Variants in AFF2 observed in about 807,000 individuals in gnomAD.
The protein encoded by AFF2 is AF4/FMR2 family member 2.
AFF2 carries 14 observed loss-of-function variants against 76.9 expected under a neutral mutation model. That is an observed-to-expected ratio of 0.18 (90% confidence interval 0.12 to 0.28). The LOEUF (loss-of-function observed/expected upper bound fraction) is 0.28, where lower values mean the gene tolerates loss of function less well. Among genes scored for constraint, AFF2 ranks in the 10% least tolerant of loss-of-function variants. The probability of loss-of-function intolerance (pLI) is 1.00; values close to 1 mark genes in which losing one functional copy is unlikely to be tolerated. For missense variants in AFF2, 868 were observed against 1,001.1 expected (o/e 0.87, Z 1.79); for synonymous variants, 398 against 366.7 (o/e 1.09, Z -0.98).
intron 9 of AFF2, among the ~76,000 whole-genome samples, chrX:148,943,230 G>A (rs1446038339): frequency 1.8e-5 from 2 of 112,328 alleles, no homozygotes; most frequent in Non-Finnish European, 3.8e-5. Flanking sequence ...ATACAATTAT[G>A]AAGTAAGATT....
intron 3 of AFF2, among the ~76,000 whole-genome samples, chrX:148,795,862 T>A (rs2069973704): frequency 2.0e-5 from 1 of 49,594 alleles, no homozygotes; most frequent in African/African-American, 7.5e-5. Flanking sequence ...TATATATATA[T>A]ATATATATAT....
In AFF2 at chrX:148,670,558, G is replaced by A. The variant is rs1057261985; in HGVS notation, c.1041+7790G>A. On this transcript the variant is annotated intron_variant, in intron 3 of 20. Coordinates refer to ENST00000370460, the MANE Select transcript of AFF2 (RefSeq NM_002025.4). The stretch of plus-strand genomic sequence containing the variant: ...GGGACCAAAGTGAGAGAGCTCAAAA[G>A]CCAGACTGTCACTTATCTTGAATTT... 7.2e-5 allele frequency among the ~76,000 whole-genome samples: 8 copies of A among 111,754 alleles called. No homozygotes were observed. In the South Asian group the frequency reaches 2.6e-3, roughly 37 times the overall value.
intron 1 of AFF2, among the ~76,000 whole-genome samples, chrX:148,610,853 T>A (rs184107065): frequency 8.9e-6 from 1 of 111,795 alleles, no homozygotes; most frequent in East Asian, 2.8e-4. Context: ...AAATATGTTT[T>A]AAAATATATT....
chrX:148,610,327 C>T (rs1327703694), intron 1 of AFF2, among the ~76,000 whole-genome samples: 1 of 111,543 alleles, frequency 9.0e-6, no homozygotes, highest in African/African-American at 3.3e-5. Flanking sequence ...ATGTGGGATT[C>T]CTGACTCCTA....
chrX:148,530,795 G>C (rs1557235777), intron 1 of AFF2, among the ~76,000 whole-genome samples: 2 of 111,838 alleles, frequency 1.8e-5, no homozygotes, highest in African/African-American at 6.5e-5. Flanking sequence ...ACTACAACAA[G>C]TATATCCTAT....
chrX:148,861,169 G>A (rs905814234), intron 7 of AFF2, among the ~76,000 whole-genome samples: 14 of 111,457 alleles, frequency 1.3e-4, no homozygotes, highest in African/African-American at 2.9e-4. Context: ...TGAAAATTGC[G>A]TTGCTGCTGT....
chrX:148,581,579 C>CGTATAT, intron 1 of AFF2, among the ~76,000 whole-genome samples: 1 of 98,970 alleles, frequency 1.0e-5, no homozygotes, highest in African/African-American at 3.9e-5. Flanking sequence ...TATACGTATA[C>CGTATAT]GTGTACACAC....
intron 3 of AFF2, among the ~76,000 whole-genome samples, chrX:148,804,553 A>G (rs782471109): frequency 3.8e-4 from 43 of 112,330 alleles, no homozygotes; most frequent in African/African-American, 1.3e-3. Flanking sequence ...TTTCTGGTGC[A>G]TATTACCTTG....
At chrX:148,944,308 G>A (rs1056153957) in intron 9 of AFF2, among the ~76,000 whole-genome samples, 3 of 111,656 alleles carry the variant, frequency 2.7e-5, no homozygotes, top group East Asian at 2.8e-4. Flanking sequence ...CTCCACCTAC[G>A]ATTTGTAACT....
At chrX:148,720,610 C>G (rs1189285830) in intron 3 of AFF2, among the ~76,000 whole-genome samples, 2 of 111,292 alleles carry the variant, frequency 1.8e-5, no homozygotes, top group African/African-American at 6.5e-5. Flanking sequence ...AAATTAAACA[C>G]TAATGTTGCC....
At position 148,984,499 on chromosome X, in the gene AFF2, C is replaced by T. The variant is rs1291382052; in HGVS notation, c.3624-2868C>T. On this transcript the variant is annotated intron_variant, in intron 19 of 20. Transcript: ENST00000370460. ...CTGAAGTGAGTGGGCCCTGCATCAG[C>T]CCTCTCTTAGCCACAGTCACAACTT... Among the ~76,000 whole-genome samples the T allele has an allele frequency of 7.2e-5, 8 of 111,782 alleles. No individual in the cohort carries two copies. In the Admixed American group the frequency reaches 7.6e-4, roughly 11 times the overall value.
chrX:148,576,013 G>A (rs1377985731), intron 1 of AFF2, among the ~76,000 whole-genome samples: 10 of 110,966 alleles, frequency 9.0e-5, no homozygotes, highest in Non-Finnish European at 1.9e-4. Flanking sequence ...GATTGACACT[G>A]CAAGTTTAGC....
At chrX:148,764,489 A>G (rs2069488383) in intron 3 of AFF2, among the ~76,000 whole-genome samples, 3 of 112,496 alleles carry the variant, frequency 2.7e-5, no homozygotes, top group Admixed American at 9.4e-5. Flanking sequence ...TTGTTTGTTC[A>G]AGATACAACT....
intron 8 of AFF2, among the ~76,000 whole-genome samples, chrX:148,903,970 C>T (rs1254323891): frequency 3.6e-5 from 4 of 111,450 alleles, no homozygotes; most frequent in African/African-American, 9.8e-5. Flanking sequence ...GATGAACTTT[C>T]TAGGCAGCCC....
chrX:148,533,494 G>A (rs530072053), intron 1 of AFF2, among the ~76,000 whole-genome samples: 4 of 110,782 alleles, frequency 3.6e-5, no homozygotes, highest in Non-Finnish European at 7.6e-5. Flanking sequence ...GGGTTGCACC[G>A]TGTTAGCCAG....
At position 148,995,580 on chromosome X, in the gene AFF2, A is replaced by G. The variant is rs782250837; in HGVS notation, c.*4248A>G. Reference sequence around the variant, plus strand: ...GACATGAGATGTTAAAGAATTATTCATAGTGCTCACATTGGGTTAGGGGAC... The same window carrying G: ...GACATGAGATGTTAAAGAATTATTCGTAGTGCTCACATTGGGTTAGGGGAC... On this transcript the variant is annotated 3_prime_UTR_variant, in exon 21 of 21. Transcript: ENST00000370460. The G allele has an allele frequency of 1.8e-5, 2 of 112,278 alleles. No homozygotes were observed. Among genetic ancestry groups the G allele is most frequent in the African/African-American group, 6.5e-5 (2 of 30,756 alleles). 9.3% of individuals were successfully genotyped at this position (112,278 alleles called of 1,213,427 possible). A position where few individuals can be genotyped will look rare whatever the true frequency, so the allele number is the denominator to read the frequency against.
intron 4 of AFF2, among the ~76,000 whole-genome samples, chrX:148,824,848 G>T (rs781863411): frequency 9.0e-6 from 1 of 111,208 alleles, no homozygotes; most frequent in Admixed American, 9.5e-5. Context: ...CCAGCCTGGG[G>T]CAACAAAAGG....
chrX:148,757,559 T>C (rs978686925), intron 3 of AFF2, among the ~76,000 whole-genome samples: 5 of 111,374 alleles, frequency 4.5e-5, no homozygotes, highest in Non-Finnish European at 7.5e-5. Context: ...ATGAGAGTTA[T>C]TAGAATTAAA....
Position 148,775,718 on chromosome X carries a change from T to C in AFF2, c.1042-34158T>C, listed in dbSNP as rs1557268497. Among the ~76,000 whole-genome samples the C allele has an allele frequency of 2.7e-5, 3 of 111,011 alleles. No homozygotes were observed. The Admixed American group carries it at 2.9e-4, about 11-fold the overall frequency. Reference sequence around the variant, plus strand: ...TGCCTCTATCTTCACATCGATTTCGTCTCTGTATGTTTTGTGTGTCTTCTA... The same window carrying C: ...TGCCTCTATCTTCACATCGATTTCGCCTCTGTATGTTTTGTGTGTCTTCTA... On this transcript the variant is annotated intron_variant, in intron 3 of 20. Transcript: ENST00000370460.
Sources: gnomAD v4.1 joint callset for allele counts (sites outside exome capture counted in the v4.1 genomes callset) on GRCh38, gnomAD v4.1.1 for gene constraint, MANE v1.5 for transcripts, NCBI Gene and HGNC (gene_info 2026-07-23, HGNC 2026-07-21) for gene names.